Variants in SMURF2 observed in about 807,000 individuals in gnomAD.
SMURF2 encodes E3 ubiquitin-protein ligase SMURF2.
A neutral mutation model predicts 109.6 loss-of-function variants in SMURF2; 48 were observed. That is an observed-to-expected ratio of 0.44 (90% CI 0.35 to 0.56). The LOEUF is 0.56. Ranked by LOEUF, SMURF2 falls within the 20% of genes least tolerant of loss-of-function variation. The probability of loss-of-function intolerance (pLI) is 0.01; values close to 1 mark genes in which losing one functional copy is unlikely to be tolerated. For missense variants in SMURF2, 575 were observed against 909.0 expected, an observed-to-expected ratio of 0.63 and a Z score of 4.72; for synonymous variants, 288 against 317.1, an observed-to-expected ratio of 0.91 and a Z score of 0.97.
intron 3 of SMURF2, among the ~76,000 whole-genome samples, chr17:64,594,753 G>A (rs1289075338): frequency 5.9e-5 from 9 of 152,060 alleles, no homozygotes; most frequent in Non-Finnish European, 8.8e-5. Context: ...TTAGGAGGCC[G>A]AGGCAGGCAG....
chr17:64,548,205 T>C (rs903361421), intron 16 of SMURF2, among the ~76,000 whole-genome samples: 31 of 152,302 alleles, frequency 2.0e-4, no homozygotes, highest in Middle Eastern at 3.4e-3. Flanking sequence ...ATATGTGCCT[T>C]CTTTGGACCT....
At chr17:64,561,335 C>T (rs1969214615) in intron 12 of SMURF2, among the ~76,000 whole-genome samples, 165 bp downstream of exon 12, 1 of 152,100 alleles carries the variant, frequency 6.6e-6, no homozygotes, top group South Asian at 2.1e-4. Flanking sequence ...GGTAGCAGTG[C>T]CACCCTAACC....
intron 1 of SMURF2, among the ~76,000 whole-genome samples, chr17:64,653,722 T>A (rs1970668788): frequency 6.6e-6 from 1 of 152,138 alleles, no homozygotes; most frequent in Admixed American, 6.6e-5. Flanking sequence ...TTAAAATGCA[T>A]ACTTTCTGTA....
chr17:64,613,706 G>A (rs1970078116), intron 1 of SMURF2, among the ~76,000 whole-genome samples: 1 of 138,844 alleles, frequency 7.2e-6, no homozygotes, highest in Non-Finnish European at 1.6e-5. Flanking sequence ...GTGTGTGTGT[G>A]TGTGTGTGTG....
chr17:64,551,795 C>T, intron 15 of SMURF2, 91 bp from the exon 16 acceptor site: 1 of 1,486,904 alleles, frequency 6.7e-7, no homozygotes. Flanking sequence ...AACACCGCAT[C>T]TTACAAGCAT....
At chr17:64,634,220 G>A (rs1474091118) in intron 1 of SMURF2, among the ~76,000 whole-genome samples, 1 of 152,158 alleles carries the variant, frequency 6.6e-6, no homozygotes, top group Non-Finnish European at 1.5e-5. Context: ...ATACAAGGGG[G>A]CTGGGAGTTT....
chr17:64,579,977 C>T (rs2144635931), intron 8 of SMURF2, among the ~76,000 whole-genome samples: 1 of 152,322 alleles, frequency 6.6e-6, no homozygotes, highest in South Asian at 2.1e-4. Flanking sequence ...AAATAAGAAT[C>T]ATGCATTTGC....
At chr17:64,623,583 G>A (rs1183894902) in intron 1 of SMURF2, among the ~76,000 whole-genome samples, 6 of 152,182 alleles carry the variant, frequency 3.9e-5, no homozygotes, top group African/African-American at 1.4e-4. Context: ...GTTTTGTTAA[G>A]TATTCCCCAG....
chr17:64,583,093 T>C (rs1471500131), intron 7 of SMURF2, among the ~76,000 whole-genome samples: 1 of 152,150 alleles, frequency 6.6e-6, no homozygotes, highest in Admixed American at 6.6e-5. Context: ...GGTTTCATCA[T>C]GTTGCCCAGG....
rs114532998 is a variant in SMURF2, at chr17:64,640,643, G to A, written c.52+21186C>T. ...CGGGTTAAAGAAAAACAATGAGGCCGGGCACAGTGGCTCACACCTATAATC... is the reference window on the plus strand; with the variant it reads ...CGGGTTAAAGAAAAACAATGAGGCCAGGCACAGTGGCTCACACCTATAATC... On this transcript the variant is annotated intron_variant, in intron 1 of 18. Coordinates refer to ENST00000262435, the MANE Select transcript of SMURF2 (RefSeq NM_022739.4). Among the ~76,000 whole-genome samples, 1,393 of 152,090 alleles carry A rather than the reference G, an allele frequency of 9.2e-3. 26 individuals are homozygous for A. The highest frequency in any genetic ancestry group is 0.032 in the African/African-American group (1,313 of 41,484).
chr17:64,618,743 A>G (rs1461682194), intron 1 of SMURF2, among the ~76,000 whole-genome samples: 1 of 152,234 alleles, frequency 6.6e-6, no homozygotes, highest in Non-Finnish European at 1.5e-5. Flanking sequence ...TATACTTGCA[A>G]TGAAGCCTAA....
chr17:64,658,599 T>C (rs1970734592), intron 1 of SMURF2, among the ~76,000 whole-genome samples: 1 of 152,172 alleles, frequency 6.6e-6, no homozygotes, highest in Non-Finnish European at 1.5e-5. Context: ...ATTAAATGTA[T>C]AAAAAGGTCT....
intron 10 of SMURF2, among the ~76,000 whole-genome samples, chr17:64,567,211 C>A (rs74942062): frequency 0.031 from 4,668 of 152,104 alleles, 236 homozygotes; most frequent in African/African-American, 0.11. Context: ...AAGAGAGGAA[C>A]AAATTAATAC....
chr17:64,607,411 A>G (rs553213861), intron 1 of SMURF2, among the ~76,000 whole-genome samples: 4 of 151,726 alleles, frequency 2.6e-5, no homozygotes, highest in Non-Finnish European at 4.4e-5. Context: ...GCGGATCACA[A>G]TGTCAGGAGT....
chr17:64,597,552 C>T (rs1969835305), intron 3 of SMURF2, among the ~76,000 whole-genome samples: 2 of 152,018 alleles, frequency 1.3e-5, no homozygotes, highest in South Asian at 4.1e-4. Flanking sequence ...GCAGGCGGAT[C>T]ACTTGAGGTC....
chr17:64,604,205 TC>T (rs1969938758), intron 2 of SMURF2, among the ~76,000 whole-genome samples: 1 of 152,104 alleles, frequency 6.6e-6, no homozygotes, highest in Non-Finnish European at 1.5e-5. Flanking sequence ...CCTGGCTAAC[TC>T]CCCTCTGAAG....
intron 1 of SMURF2, among the ~76,000 whole-genome samples, chr17:64,621,536 T>C (rs563748804): frequency 6.7e-6 from 1 of 148,158 alleles, no homozygotes; most frequent in Non-Finnish European, 1.5e-5. Flanking sequence ...GCCGAGATCA[T>C]GCCACTGCAC....
In SMURF2 at chr17:64,602,023, C is replaced by T. The variant is rs1399217625; in HGVS notation, c.92-3533G>A. On this transcript the variant is annotated intron_variant, in intron 2 of 18. Transcript: ENST00000262435. ...TACTCAGCCATTAAAAAGAAATAAT[C>T]ACAGCAACCTGGATAAAATTGGAGA... Among the ~76,000 whole-genome samples the T allele has an allele frequency of 5.9e-5, 9 of 151,744 alleles. No individual in the cohort carries two copies. In the South Asian group the frequency reaches 8.3e-4, roughly 14 times the overall value.
intron 1 of SMURF2, among the ~76,000 whole-genome samples, chr17:64,642,949 C>T (rs994693679): frequency 1.3e-5 from 2 of 152,128 alleles, no homozygotes; most frequent in Admixed American, 6.6e-5. Context: ...CATGCACCAC[C>T]ACGCCTGGCT....
Sources: gnomAD v4.1 joint callset for allele counts (sites outside exome capture counted in the v4.1 genomes callset) on GRCh38, gnomAD v4.1.1 for gene constraint, MANE v1.5 for transcripts, NCBI Gene and HGNC (gene_info 2026-07-23, HGNC 2026-07-21) for gene names.